Variants in ARID1B observed in about 807,000 individuals in gnomAD.
ARID1B encodes AT-rich interactive domain-containing protein 1B.
A neutral mutation model predicts 212.3 loss-of-function variants in ARID1B; 30 were observed. The observed-to-expected ratio is 0.14, with a 90% confidence interval of 0.11 to 0.19. The LOEUF is 0.19. Among genes scored for constraint, ARID1B ranks in the 10% least tolerant of loss-of-function variants. The pLI is 1.00. For missense variants in ARID1B, 2,891 were observed against 3,204.0 expected, an observed-to-expected ratio of 0.90 and a Z score of 2.36; for synonymous variants, 1,402 against 1,301.7, an observed-to-expected ratio of 1.08 and a Z score of -1.66.
chr6:157,068,865 A>G (rs1241931512), intron 4 of ARID1B, among the ~76,000 whole-genome samples: 1 of 152,226 alleles, frequency 6.6e-6, no homozygotes, highest in Non-Finnish European at 1.5e-5. Context: ...ATCCTAATGT[A>G]GTCTGTGTTT....
At chr6:156,957,510 G>A (rs921186295) in intron 4 of ARID1B, among the ~76,000 whole-genome samples, 11 of 152,160 alleles carry the variant, frequency 7.2e-5, no homozygotes, top group Non-Finnish European at 1.6e-4. Context: ...AGAAGCTGGA[G>A]CTTTAGGATA....
chr6:157,073,654 T>A (rs940973883), intron 4 of ARID1B, among the ~76,000 whole-genome samples: 1 of 152,178 alleles, frequency 6.6e-6, no homozygotes, highest in Non-Finnish European at 1.5e-5. Flanking sequence ...TGGGGGGTGG[T>A]GAAATTAAGT....
chr6:156,928,863 G>T lies in ARID1B; in HGVS notation c.2137-6603G>T, dbSNP rs573037017. 7.9e-5 allele frequency among the ~76,000 whole-genome samples: 12 copies of T among 152,280 alleles called. No homozygotes were observed. The South Asian group carries it at 2.5e-3, about 32-fold the overall frequency. On this transcript the variant is annotated intron_variant, in intron 3 of 19. Transcript: ENST00000636930. The stretch of plus-strand genomic sequence containing the variant: ...AATTGATGTTTTAGAAGTGTTCCAC[G>T]TATAAACTACTTAAGATTATAATTT...
Position 156,779,132 on chromosome 6 carries a change from C to A in ARID1B, c.1452C>A (p.Gly484=). The A allele has an allele frequency of 1.6e-6, 2 of 1,249,382 alleles. No homozygotes were observed. Among genetic ancestry groups the A allele is most frequent in the South Asian group, 2.7e-5 (1 of 37,096 alleles). The allele number at this position is 1,249,382 out of a possible 1,614,324, so 77.4% of individuals were successfully genotyped here. ...SKAAAGSAAG[G]FQRFAGQNQH... ...CGGCCGCCGGCTCGGCGGCGGGGGG[C>A]TTCCAGCGCTTCGCCGGCCAGAACC... The change falls in exon 1 of 20, where the codon GGC becomes GGA. Residue 484 remains glycine (G), a synonymous_variant. Coordinates refer to ENST00000636930, the MANE Select transcript of ARID1B (RefSeq NM_001374828.1).
intron 1 of ARID1B, among the ~76,000 whole-genome samples, chr6:156,788,248 A>G (rs1174638928): frequency 6.6e-6 from 1 of 152,158 alleles, no homozygotes; most frequent in Non-Finnish European, 1.5e-5. Context: ...TTCTGTGAAT[A>G]TAAACTGAGA....
At chr6:157,132,586 G>A (rs1346148516) in intron 6 of ARID1B, among the ~76,000 whole-genome samples, 2 of 152,186 alleles carry the variant, frequency 1.3e-5, no homozygotes, top group Admixed American at 6.5e-5. Flanking sequence ...TGACGAGTGG[G>A]ATCTTTGACC....
intron 2 of ARID1B, chr6:156,871,711 T>TG: frequency 1.1e-5 from 18 of 1,569,804 alleles, no homozygotes; most frequent in Non-Finnish European, 1.6e-5. Flanking sequence ...CATATGACAG[T>TG]GGGGGCAGCT....
intron 7 of ARID1B, among the ~76,000 whole-genome samples, chr6:157,134,885 A>C (rs1328675544): frequency 1.3e-5 from 2 of 152,180 alleles, no homozygotes; most frequent in Non-Finnish European, 2.9e-5. Context: ...AAGGTCTAGG[A>C]GTTAACTCTT....
intron 4 of ARID1B, among the ~76,000 whole-genome samples, chr6:157,031,253 A>T (rs7776377): frequency 6.6e-6 from 1 of 152,190 alleles, no homozygotes; most frequent in African/African-American, 2.4e-5. Flanking sequence ...TTTATTTATT[A>T]GTGTCTACTT....
chr6:156,817,314 A>C (rs1782035759), intron 1 of ARID1B, among the ~76,000 whole-genome samples: 1 of 152,176 alleles, frequency 6.6e-6, no homozygotes, highest in Admixed American at 6.5e-5. Flanking sequence ...ACTGCACTCC[A>C]GCCTGGGCAA....
intron 1 of ARID1B, among the ~76,000 whole-genome samples, chr6:156,784,430 T>C (rs2115087808): frequency 6.6e-6 from 1 of 152,346 alleles, no homozygotes; most frequent in East Asian, 1.9e-4. Context: ...CCTTTTGGTT[T>C]AATTGGGTAA....
rs1305400641 is a variant in ARID1B at position 157,094,193 on chromosome 6, A to G, written c.2491+9288A>G. Among the ~76,000 whole-genome samples the G allele has an allele frequency of 6.6e-6, 1 of 152,118 alleles. No homozygotes were observed. The highest frequency in any genetic ancestry group is 1.5e-5 in the Non-Finnish European group (1 of 68,014). On this transcript the variant is annotated intron_variant, in intron 5 of 19. Transcript: ENST00000636930. The surrounding 1 kb of genome is among the most constrained non-coding windows in gnomAD (Gnocchi z 4.3). ...CCAGGCAGAGAACGGAGCAAACTCAAAGGCCCTGAGTTAGTATTGTGCTTA... is the reference window on the plus strand; with the variant it reads ...CCAGGCAGAGAACGGAGCAAACTCAGAGGCCCTGAGTTAGTATTGTGCTTA...
At chr6:157,136,682 T>TA (rs1421031089) in intron 7 of ARID1B, among the ~76,000 whole-genome samples, 27 of 151,120 alleles carry the variant, frequency 1.8e-4, no homozygotes, top group East Asian at 1.4e-3. Context: ...GGCAACATGG[T>TA]GAAACACTGC....
intron 1 of ARID1B, among the ~76,000 whole-genome samples, chr6:156,781,975 CTTTTTTTTTTTTTTTTT>C (rs57443841): frequency 5.1e-5 from 2 of 39,206 alleles, no homozygotes; most frequent in Non-Finnish European, 9.9e-5. Context: ...TGGGAATAGG[CTTTTTTTTTTTTTTTTT>C]TTTTTTTTTT....
chr6:156,959,291 G>C (rs1562511181), intron 4 of ARID1B, among the ~76,000 whole-genome samples: 1 of 152,176 alleles, frequency 6.6e-6, no homozygotes, highest in African/African-American at 2.4e-5. Flanking sequence ...AAAGTTAGTA[G>C]TTGTAAGTAA....
rs1008060110 is a variant in ARID1B, at chr6:157,182,901, CA to C, written c.3715-1329del. Among the ~76,000 whole-genome samples the C allele has an allele frequency of 2.6e-5, 4 of 152,280 alleles. No individual in the cohort carries two copies. In the East Asian group the frequency reaches 7.7e-4, roughly 29 times the overall value. ...CTCCCCTGCACCTAGCCTCTTCTGA[CA>C]TGGATTTTTTAGAATCACCAAGACT... On this transcript the variant is annotated intron_variant, in intron 12 of 19. Transcript: ENST00000636930.
intron 11 of ARID1B, among the ~76,000 whole-genome samples, chr6:157,178,336 G>C (rs1174935146): frequency 6.6e-6 from 1 of 152,222 alleles, no homozygotes; most frequent in Non-Finnish European, 1.5e-5. Flanking sequence ...TTGGTGATCA[G>C]CATCCACCCA....
chr6:156,907,121 C>T (rs1789459435), intron 3 of ARID1B, among the ~76,000 whole-genome samples: 1 of 152,208 alleles, frequency 6.6e-6, no homozygotes, highest in Non-Finnish European at 1.5e-5. Context: ...CCCCTGTATG[C>T]ATTCTTTGAA....
chr6:156,782,670 T>G (rs995871737), intron 1 of ARID1B, among the ~76,000 whole-genome samples: 1 of 152,176 alleles, frequency 6.6e-6, no homozygotes, highest in Non-Finnish European at 1.5e-5. Context: ...TGAGATACAT[T>G]ATTTGATAAA....
Sources: allele counts gnomAD v4.1 joint callset (sites outside exome capture counted in the v4.1 genomes callset), GRCh38; gene constraint gnomAD v4.1.1; non-coding constraint Gnocchi (gnomAD v3.1); transcripts MANE v1.5; gene names NCBI Gene and HGNC (gene_info 2026-07-23, HGNC 2026-07-21).